The following SUCLG2 variants were observed in gnomAD, a reference collection of about 807,000 sequenced individuals.
The protein encoded by SUCLG2 is succinate-CoA ligase GDP-forming subunit beta.
A neutral mutation model predicts 47.9 loss-of-function variants in SUCLG2; 42 were observed. The observed-to-expected ratio is 0.88, with a 90% CI of 0.69 to 1.14. The LOEUF is 1.14. Among genes scored for constraint, SUCLG2 ranks in the 50% most tolerant of loss-of-function variants. SUCLG2 has a pLI of 0.00. For missense variants in SUCLG2, 571 were observed against 525.9 expected (o/e 1.09, Z -0.84); for synonymous variants, 195 against 197.3 (o/e 0.99, Z 0.10).
chr3:67,375,664 A>T lies in SUCLG2; in HGVS notation c.*80T>A. On this transcript the variant is annotated 3_prime_UTR_variant, in exon 11 of 11. Transcript: ENST00000307227. ...CTCCCCTTTTCTTCCCCAATGAGATAACCATTTCTTTCACAATGATGAACC... is the reference window on the plus strand; with the variant it reads ...CTCCCCTTTTCTTCCCCAATGAGATTACCATTTCTTTCACAATGATGAACC... 1 of 1,493,908 alleles carries T rather than the reference A, an allele frequency of 6.7e-7. No individual in the cohort carries two copies. The highest frequency in any genetic ancestry group is 8.9e-7 in the Non-Finnish European group (1 of 1,119,708). The allele number at this position is 1,493,908 out of a possible 1,614,324, so 92.5% of individuals were successfully genotyped here.
intron 9 of SUCLG2, among the ~76,000 whole-genome samples, chr3:67,478,320 G>A (rs958723893): frequency 5.9e-5 from 9 of 152,166 alleles, no homozygotes; most frequent in African/African-American, 1.7e-4. Context: ...TAACTGCATC[G>A]TACAGACCAA....
In SUCLG2 at chr3:67,446,417, A is replaced by T. The variant is rs907912915; in HGVS notation, c.1063-45566T>A. ...GGTATCTAAATATGTACATATGTAC[A>T]TTTTTTTTTTTTTTTTTTTTTTTTT... On this transcript the variant is annotated intron_variant, in intron 9 of 10. Transcript: ENST00000307227. 2.1e-3 allele frequency among the ~76,000 whole-genome samples: 69 copies of T among 32,184 alleles called. 1 individual carries two copies. Among genetic ancestry groups the T allele is most frequent in the East Asian group, 0.013 (12 of 894 alleles). The allele number at this position is 32,184 out of a possible 152,430, so 21.1% of individuals were successfully genotyped here.
chr3:67,591,116 A>C (rs779966776), intron 2 of SUCLG2, among the ~76,000 whole-genome samples: 1 of 152,184 alleles, frequency 6.6e-6, no homozygotes, highest in Non-Finnish European at 1.5e-5. Context: ...GAATGAACTG[A>C]ACAAGAAATA....
chr3:67,486,766 A>T (rs1257630513), intron 9 of SUCLG2, among the ~76,000 whole-genome samples: 1 of 152,150 alleles, frequency 6.6e-6, no homozygotes, highest in Non-Finnish European at 1.5e-5. Context: ...AAATGCAAAA[A>T]ACATGGCCAT....
chr3:67,513,047 A>C (rs1705842001), intron 6 of SUCLG2, among the ~76,000 whole-genome samples: 1 of 150,924 alleles, frequency 6.6e-6, no homozygotes, highest in Non-Finnish European at 1.5e-5. Context: ...TACATACATA[A>C]AATAAAAGAT....
At chr3:67,376,580 T>A in intron 10 of SUCLG2, 1 of 868,670 alleles carries the variant, frequency 1.2e-6, no homozygotes, top group South Asian at 5.3e-5. Context: ...TGCTTTTATC[T>A]AGTTGGCAAG....
intron 1 of SUCLG2, among the ~76,000 whole-genome samples, chr3:67,633,363 A>T (rs902671479): frequency 4.6e-5 from 7 of 152,190 alleles, no homozygotes; most frequent in Non-Finnish European, 8.8e-5. Flanking sequence ...TTTCTGTAGT[A>T]AAGTCATTTA....
Position 67,556,554 on chromosome 3 carries a change from C to T in SUCLG2, c.227-27368G>A, listed in dbSNP as rs1002601525. On this transcript the variant is annotated intron_variant, in intron 2 of 10. Coordinates refer to ENST00000307227, the MANE Select transcript of SUCLG2 (RefSeq NM_003848.4). ...TCAAGGCTCTATTATTCAGGAAGAGCGGGAGCCCTGAGAGACAGCTAGTGG... is the reference window on the plus strand; with the variant it reads ...TCAAGGCTCTATTATTCAGGAAGAGTGGGAGCCCTGAGAGACAGCTAGTGG... Among the ~76,000 whole-genome samples the T allele has an allele frequency of 9.9e-5, 15 of 152,074 alleles. 1 individual carries two copies. Among genetic ancestry groups the T allele is most frequent in the Admixed American group, 4.6e-4 (7 of 15,260 alleles).
At chr3:67,563,959 C>CAAAAAAAAAAA (rs756674869) in intron 2 of SUCLG2, among the ~76,000 whole-genome samples, 1 of 78,190 alleles carries the variant, frequency 1.3e-5, no homozygotes, top group Non-Finnish European at 2.9e-5. Context: ...GACTCTGTCT[C>CAAAAAAAAAAA]AAAAAAAAAA....
intron 8 of SUCLG2, 77 bp downstream of exon 8, chr3:67,498,057 G>C: frequency 7.0e-7 from 1 of 1,426,716 alleles, no homozygotes. Flanking sequence ...TTCTTGGTAA[G>C]TGACATTTCA....
intron 9 of SUCLG2, 126 bp from the exon 10 acceptor site, chr3:67,400,977 G>A (rs1702671378): frequency 7.3e-7 from 1 of 1,363,504 alleles, no homozygotes. Flanking sequence ...TTTATACAGA[G>A]CATAAAATAC....
chr3:67,528,104 A>T, intron 4 of SUCLG2, 28 bp downstream of exon 4: 1 of 1,593,132 alleles, frequency 6.3e-7, no homozygotes, highest in Non-Finnish European at 8.6e-7. Flanking sequence ...ACACATATAT[A>T]GAAAATGACC....
intron 9 of SUCLG2, among the ~76,000 whole-genome samples, chr3:67,441,250 T>C (rs913492134): frequency 1.3e-5 from 2 of 151,952 alleles, no homozygotes; most frequent in South Asian, 4.2e-4. Flanking sequence ...AGGGGAGGGA[T>C]AGCATTAGGA....
At chr3:67,395,521 AG>A (rs1702503688) in intron 10 of SUCLG2, among the ~76,000 whole-genome samples, 1 of 152,242 alleles carries the variant, frequency 6.6e-6, no homozygotes, top group South Asian at 2.1e-4. Flanking sequence ...AGATTCATAA[AG>A]CAAGTCCTGA....
intron 10 of SUCLG2, among the ~76,000 whole-genome samples, chr3:67,391,945 C>T (rs190688447): frequency 1.3e-5 from 2 of 152,304 alleles, no homozygotes; most frequent in African/African-American, 4.8e-5. Context: ...CACCTCCACC[C>T]ACAGCCTGTC....
intron 9 of SUCLG2, among the ~76,000 whole-genome samples, chr3:67,469,067 C>T (rs995967635): frequency 7.9e-5 from 12 of 151,986 alleles, no homozygotes; most frequent in Non-Finnish European, 1.3e-4. Context: ...ACAGCTCAGT[C>T]GAAGTCTTGA....
intron 1 of SUCLG2, among the ~76,000 whole-genome samples, chr3:67,615,313 T>G (rs1466157379): frequency 6.7e-6 from 1 of 149,250 alleles, no homozygotes; most frequent in Non-Finnish European, 1.5e-5. Flanking sequence ...AAATTAGAGG[T>G]GTAGAAACAA....
chr3:67,432,905 T>A (rs980055571), intron 9 of SUCLG2, among the ~76,000 whole-genome samples: 1 of 152,238 alleles, frequency 6.6e-6, no homozygotes. Context: ...AGTCAGAATT[T>A]TAAAACGAAG....
chr3:67,436,881 C>T (rs1703636495), intron 9 of SUCLG2, among the ~76,000 whole-genome samples: 1 of 152,098 alleles, frequency 6.6e-6, no homozygotes, highest in South Asian at 2.1e-4. Context: ...CAAATGTTAC[C>T]TGTGTTTAAA....
Sources: gnomAD v4.1 joint callset for allele counts (sites outside exome capture counted in the v4.1 genomes callset) on GRCh38, gnomAD v4.1.1 for gene constraint, MANE v1.5 for transcripts, NCBI Gene and HGNC (gene_info 2026-07-23, HGNC 2026-07-21) for gene names.